Variants in TSGA10 observed in about 807,000 individuals in gnomAD.
TSGA10 encodes testis specific 10, also known as testis-specific gene 10 protein.
A neutral mutation model predicts 96.6 loss-of-function variants in TSGA10; 43 were observed. The observed-to-expected ratio is 0.44, with a 90% confidence interval of 0.35 to 0.57. The LOEUF (loss-of-function observed/expected upper bound fraction) is 0.57, where lower values mean the gene tolerates loss of function less well. TSGA10 is among the 20% of genes least tolerant of loss of function. The probability of loss-of-function intolerance (pLI) is 0.01; values close to 1 mark genes in which losing one functional copy is unlikely to be tolerated. For missense variants in TSGA10, 703 were observed against 834.4 expected, an observed-to-expected ratio of 0.84 and a Z score of 1.94; for synonymous variants, 229 against 269.9, an observed-to-expected ratio of 0.85 and a Z score of 1.48.
chr2:99,147,619 A>G (rs569337008), intron 1 of TSGA10: 103 of 825,996 alleles, frequency 1.2e-4, no homozygotes, highest in Middle Eastern at 3.2e-4. Context: ...GTTGATTTCA[A>G]ATGCCATGTT....
chr2:99,067,015 ACT>A (rs2085331446), intron 15 of TSGA10, among the ~76,000 whole-genome samples: 1 of 152,190 alleles, frequency 6.6e-6, no homozygotes, highest in Non-Finnish European at 1.5e-5. Flanking sequence ...TCCTTAAATA[ACT>A]TATATGTTTT....
intron 1 of TSGA10, among the ~76,000 whole-genome samples, chr2:99,129,034 C>A (rs2092953563): frequency 6.6e-6 from 1 of 152,206 alleles, no homozygotes; most frequent in South Asian, 2.1e-4. Context: ...AGCCACTGCA[C>A]CCAGCCAACA....
intron 2 of TSGA10, 128 bp from the exon 3 acceptor site, chr2:99,118,814 C>T: frequency 8.7e-6 from 2 of 229,142 alleles, no homozygotes; most frequent in Non-Finnish European, 1.4e-5. Context: ...TGAGGAAATA[C>T]AAAGACAACA....
chr2:99,064,985 T>C lies in TSGA10; in HGVS notation c.1358A>G (p.Asn453Ser), dbSNP rs778729819. ...GGAATCTACTTTTTCTTTTAATCTG[T>C]TACCCTCTGCCTCAGCAGTGATAAG... ...LELITAEAEG[N>S]RLKEKVDSLN... is the part of the protein sequence containing the mutation. Residue 453 changes from asparagine to serine, a missense_variant, in exon 16 of 21, where the codon AAC (asparagine) becomes AGC (serine). By Grantham distance (46) the Asn-to-Ser change is conservative (BLOSUM62 1). Coordinates refer to ENST00000393483, the MANE Select transcript of TSGA10 (RefSeq NM_025244.4). The C allele has an allele frequency of 1.2e-6, 2 of 1,610,220 alleles. No individual in the cohort carries two copies. The highest frequency in any genetic ancestry group is 3.4e-5 in the Admixed American group (2 of 59,424).
chr2:99,003,502 T>C (rs937730994), intron 20 of TSGA10, among the ~76,000 whole-genome samples: 2 of 152,202 alleles, frequency 1.3e-5, no homozygotes, highest in African/African-American at 4.8e-5. Flanking sequence ...TATACATTCT[T>C]CTCAGCACCA....
chr2:99,050,429 T>A (rs2083281567), intron 16 of TSGA10, among the ~76,000 whole-genome samples: 1 of 152,144 alleles, frequency 6.6e-6, no homozygotes, highest in African/African-American at 2.4e-5. Context: ...AATTCAAATA[T>A]TCCATAATCA....
At chr2:99,095,050 T>C (rs1016252753) in intron 10 of TSGA10, among the ~76,000 whole-genome samples, 3 of 152,190 alleles carry the variant, frequency 2.0e-5, no homozygotes, top group Non-Finnish European at 4.4e-5. Flanking sequence ...ATATATACCA[T>C]GGAATACAAT....
chr2:99,027,985 G>C (rs1412351758), intron 17 of TSGA10, among the ~76,000 whole-genome samples: 5 of 152,170 alleles, frequency 3.3e-5, no homozygotes, highest in Non-Finnish European at 7.3e-5. Context: ...TATGATGTCT[G>C]TTTCCCTTGC....
At chr2:99,071,537 G>T (rs963622071) in intron 14 of TSGA10, among the ~76,000 whole-genome samples, 169 bp downstream of exon 14, 17 of 151,740 alleles carry the variant, frequency 1.1e-4, no homozygotes, top group African/African-American at 3.6e-4. Context: ...AACCCTTTGT[G>T]TCTGAGAATT....
chr2:99,142,591 A>G (rs1014407393), intron 1 of TSGA10, among the ~76,000 whole-genome samples: 1 of 152,226 alleles, frequency 6.6e-6, no homozygotes, highest in Non-Finnish European at 1.5e-5. Flanking sequence ...TGTAAGTATA[A>G]TTAGATACCA....
intron 1 of TSGA10, among the ~76,000 whole-genome samples, chr2:99,143,444 C>G (rs2093598673): frequency 6.6e-6 from 1 of 151,352 alleles, no homozygotes; most frequent in Admixed American, 6.6e-5. Flanking sequence ...CAGGTGTGAG[C>G]CACTGCGCCC....
intron 20 of TSGA10, among the ~76,000 whole-genome samples, chr2:99,010,538 C>T (rs995245879): frequency 6.6e-6 from 1 of 152,138 alleles, no homozygotes; most frequent in Non-Finnish European, 1.5e-5. Flanking sequence ...TATGGAGTCA[C>T]GTAAAGTATA....
chr2:99,071,139 A>T (rs1574045347), intron 14 of TSGA10, among the ~76,000 whole-genome samples: 1 of 152,186 alleles, frequency 6.6e-6, no homozygotes, highest in Non-Finnish European at 1.5e-5. Context: ...GGGGAAAACC[A>T]TTTGGTCTTA....
rs1167854716 is a variant in TSGA10, at chr2:99,074,000, C to CTTTTTTTTTTTTTTTTTTTTTTT, written c.883-950_883-928dup. 1.3e-3 allele frequency among the ~76,000 whole-genome samples: 67 copies of CTTTTTTTTTTTTTTTTTTTTTTT among 52,634 alleles called. 16 individuals are homozygous for CTTTTTTTTTTTTTTTTTTTTTTT. Among genetic ancestry groups the CTTTTTTTTTTTTTTTTTTTTTTT allele is most frequent in the Middle Eastern group, 0.031 (1 of 32 alleles). The allele number at this position is 52,634 out of a possible 152,430, so 34.5% of individuals were successfully genotyped here. The stretch of plus-strand genomic sequence containing the variant: ...AACCAATTCTGTTCCTGTTTCTTTT[C>CTTTTTTTTTTTTTTTTTTTTTTT]TTTTTTTTTTTTTTTTTTTTTTTTT... On this transcript the variant is annotated intron_variant, in intron 12 of 20. Transcript: ENST00000393483.
intron 1 of TSGA10, among the ~76,000 whole-genome samples, chr2:99,131,166 G>T (rs1368870693): frequency 6.6e-6 from 1 of 151,840 alleles, no homozygotes; most frequent in African/African-American, 2.4e-5. Flanking sequence ...TTCTAATTTT[G>T]TGAAGAAAGT....
At chr2:99,088,803 G>C (rs1259373873) in intron 10 of TSGA10, among the ~76,000 whole-genome samples, 2 of 152,132 alleles carry the variant, frequency 1.3e-5, no homozygotes, top group African/African-American at 4.8e-5. Flanking sequence ...TATCAACAAA[G>C]TATTAATAAA....
At chr2:99,042,747 A>G (rs1393161653) in intron 16 of TSGA10, among the ~76,000 whole-genome samples, 1 of 150,416 alleles carries the variant, frequency 6.6e-6, no homozygotes, top group Non-Finnish European at 1.5e-5. Flanking sequence ...GTTGTGGCCC[A>G]GGCTGGAGTG....
intron 16 of TSGA10, among the ~76,000 whole-genome samples, chr2:99,055,260 G>A (rs1046646032): frequency 6.6e-6 from 1 of 152,168 alleles, no homozygotes; most frequent in Non-Finnish European, 1.5e-5. Context: ...GCCAGGCACA[G>A]TAAGACAAAC....
At chr2:99,066,816 C>T (rs2085315495) in intron 15 of TSGA10, among the ~76,000 whole-genome samples, 1 of 152,040 alleles carries the variant, frequency 6.6e-6, no homozygotes, top group Non-Finnish European at 1.5e-5. Flanking sequence ...TGGTGCCTCC[C>T]CTGTATCCAC....
Sources: allele counts gnomAD v4.1 joint callset (sites outside exome capture counted in the v4.1 genomes callset), GRCh38; gene constraint gnomAD v4.1.1; transcripts MANE v1.5; gene names NCBI Gene and HGNC (gene_info 2026-07-23, HGNC 2026-07-21).